Variants in TMED3 observed in about 807,000 individuals in gnomAD.
The protein encoded by TMED3 is transmembrane p24 trafficking protein 3, also known as transmembrane emp24 domain-containing protein 3.
Under a neutral mutation model 15.0 loss-of-function variants are expected in TMED3, and 9 were observed. The observed-to-expected ratio is 0.60, with a 90% CI of 0.36 to 1.04. The LOEUF (loss-of-function observed/expected upper bound fraction) is 1.04, where lower values mean the gene tolerates loss of function less well. TMED3 is among the 50% of genes least tolerant of loss of function. The pLI is 0.01. For missense variants in TMED3, 267 were observed against 278.9 expected (o/e 0.96, Z 0.30); for synonymous variants, 117 against 121.4 (o/e 0.96, Z 0.24).
intron 2 of TMED3, chr15:79,382,908 T>C: frequency 1.4e-6 from 2 of 1,474,042 alleles, no homozygotes; most frequent in Non-Finnish European, 1.8e-6. Flanking sequence ...CAATATAGTC[T>C]TTATTCCCAT....
intron 2 of TMED3, among the ~76,000 whole-genome samples, chr15:79,330,002 A>G (rs1013554491): frequency 1.3e-5 from 2 of 152,236 alleles, no homozygotes; most frequent in African/African-American, 4.8e-5. Context: ...GGCTATTTAG[A>G]GATGCCCGGT....
chr15:79,357,645 G>A (rs529335051), intron 2 of TMED3, among the ~76,000 whole-genome samples: 1 of 151,814 alleles, frequency 6.6e-6, no homozygotes, highest in Non-Finnish European at 1.5e-5. Flanking sequence ...CGTGCTGGGG[G>A]CATTTGGAGT....
chr15:79,389,248 T>A (rs888185736), intron 2 of TMED3, among the ~76,000 whole-genome samples: 1 of 152,218 alleles, frequency 6.6e-6, no homozygotes, highest in Non-Finnish European at 1.5e-5. Context: ...CCTTAATCCA[T>A]CTGGAGTCGA....
intron 2 of TMED3, among the ~76,000 whole-genome samples, chr15:79,361,877 A>G (rs1351561426): frequency 6.6e-6 from 1 of 152,186 alleles, no homozygotes; most frequent in Non-Finnish European, 1.5e-5. Context: ...TAAATGTAGA[A>G]AATTATTTTC....
intron 2 of TMED3, among the ~76,000 whole-genome samples, chr15:79,348,838 T>C (rs8031881): frequency 0.094 from 14,237 of 152,230 alleles, 703 homozygotes; most frequent in Admixed American, 0.12. Flanking sequence ...ACTTGTGTTT[T>C]TGTTTTGTTT....
At chr15:79,331,542 C>CAAAAAAAAAAAAAAAAAAAG (rs2058808849) in intron 2 of TMED3, among the ~76,000 whole-genome samples, 8 of 89,256 alleles carry the variant, frequency 9.0e-5, no homozygotes, top group Non-Finnish European at 1.2e-4. Flanking sequence ...GCAAAAGAAG[C>CAAAAAAAAAAAAAAAAAAAG]AAAAAAAAAA....
At chr15:79,408,367 G>T (rs1893929138) in intron 2 of TMED3, among the ~76,000 whole-genome samples, 1 of 152,206 alleles carries the variant, frequency 6.6e-6, no homozygotes, top group South Asian at 2.1e-4. Context: ...GCTTTTCAGA[G>T]ACCTATAGCA....
chr15:79,388,824 T>G (rs1254271897), intron 2 of TMED3, among the ~76,000 whole-genome samples: 1 of 152,224 alleles, frequency 6.6e-6, no homozygotes, highest in Non-Finnish European at 1.5e-5. Context: ...GGTTTCGATT[T>G]GCATTTCCCT....
intron 2 of TMED3, among the ~76,000 whole-genome samples, chr15:79,373,572 G>A (rs1893378326): frequency 6.6e-6 from 1 of 152,130 alleles, no homozygotes; most frequent in Non-Finnish European, 1.5e-5. Flanking sequence ...GAGATGCTGC[G>A]GCTTTGGGTT....
chr15:79,332,603 A>G (rs1183708584), intron 2 of TMED3, among the ~76,000 whole-genome samples: 1 of 152,206 alleles, frequency 6.6e-6, no homozygotes, highest in Non-Finnish European at 1.5e-5. Context: ...CTTGGCCAGT[A>G]TGCTGGGGCA....
chr15:79,406,992 G>A (rs1893910868), intron 2 of TMED3, among the ~76,000 whole-genome samples: 3 of 152,230 alleles, frequency 2.0e-5, no homozygotes, highest in Non-Finnish European at 4.4e-5. Context: ...AAGTGCTAAT[G>A]CCTCTGTCAT....
intron 2 of TMED3, among the ~76,000 whole-genome samples, chr15:79,316,259 C>T (rs756322499): frequency 4.6e-5 from 7 of 152,270 alleles, no homozygotes; most frequent in African/African-American, 1.7e-4. Flanking sequence ...TGTTTCAGGC[C>T]GGAGTTCAGG....
intron 2 of TMED3, among the ~76,000 whole-genome samples, chr15:79,352,778 G>A (rs896920020): frequency 8.0e-5 from 11 of 137,752 alleles, no homozygotes; most frequent in African/African-American, 2.7e-4. Context: ...TGGGTTTTCC[G>A]CTTTGAGAAA....
chr15:79,413,582 A>G (rs536562456), exon 3 of TMED3: 13 of 152,360 alleles, frequency 8.5e-5, no homozygotes, highest in African/African-American at 3.1e-4. Flanking sequence ...CCTTGTCCCA[A>G]TTTAGTAGTG....
exon 3 of TMED3, chr15:79,413,300 A>T (rs777341039): frequency 3.9e-5 from 6 of 152,236 alleles, no homozygotes; most frequent in Non-Finnish European, 8.8e-5. Flanking sequence ...CCTTCAAAGC[A>T]CTGGCAGGTC....
intron 2 of TMED3, among the ~76,000 whole-genome samples, chr15:79,386,326 C>T (rs183950707): frequency 6.6e-6 from 1 of 152,234 alleles, no homozygotes; most frequent in African/African-American, 2.4e-5. Context: ...AACTTGTATT[C>T]ACTCTCTGCA....
intron 2 of TMED3, among the ~76,000 whole-genome samples, chr15:79,357,902 G>A (rs79321575): frequency 0.014 from 2,073 of 152,234 alleles, 21 homozygotes; most frequent in Non-Finnish European, 0.021. Flanking sequence ...CATACCCTAG[G>A]ATTCTTTGGT....
chr15:79,348,702 T>C (rs2058880195), intron 2 of TMED3, among the ~76,000 whole-genome samples: 1 of 152,256 alleles, frequency 6.6e-6, no homozygotes, highest in Non-Finnish European at 1.5e-5. Context: ...ACAGTAGTTC[T>C]GTTTTTAATT....
In TMED3 at chr15:79,322,762, G is replaced by A. The variant is rs1468129382; in HGVS notation, c.*548G>A. On this transcript the variant is annotated 3_prime_UTR_variant, in exon 3 of 3. Coordinates refer to ENST00000299705, the MANE Select transcript of TMED3 (RefSeq NM_007364.4). ...AAGCAGGACAGAATGGTGACTGGGT[G>A]CCCTTGGTGAGCTGTGTATTTCCTA... 3.0e-6 allele frequency: 3 copies of A among 985,534 alleles called. No homozygotes were observed. Among genetic ancestry groups the A allele is most frequent in the Non-Finnish European group, 3.6e-6 (3 of 830,048 alleles). The allele number at this position is 985,534 out of a possible 1,614,324, so 61.0% of individuals were successfully genotyped here. A position where few individuals can be genotyped will look rare whatever the true frequency, so the allele number is the denominator to read the frequency against.
Sources: allele counts gnomAD v4.1 joint callset (sites outside exome capture counted in the v4.1 genomes callset), GRCh38; gene constraint gnomAD v4.1.1; transcripts MANE v1.5; gene names NCBI Gene and HGNC (gene_info 2026-07-23, HGNC 2026-07-21).